The following NT5M variants were observed in gnomAD, a reference collection of about 807,000 sequenced individuals.
The protein encoded by NT5M is 5'(3')-deoxyribonucleotidase, mitochondrial.
Under a neutral mutation model 22.2 loss-of-function variants are expected in NT5M, and 22 were observed. The observed-to-expected ratio is 0.99, with a 90% CI of 0.71 to 1.41. NT5M has a LOEUF of 1.41. Ranked by LOEUF, NT5M falls within the 40% of genes most tolerant of loss-of-function variation. The pLI is 0.00. For synonymous variants in NT5M, 167 were observed against 133.0 expected, an observed-to-expected ratio of 1.26 and a Z score of -1.76; for missense variants, 322 against 314.8, an observed-to-expected ratio of 1.02 and a Z score of -0.17.
intron 1 of NT5M, among the ~76,000 whole-genome samples, chr17:17,304,675 A>G (rs1442363384): frequency 6.6e-6 from 1 of 152,002 alleles, no homozygotes; most frequent in Non-Finnish European, 1.5e-5. Context: ...TGTTGGGTAG[A>G]TATTATTATC....
chr17:17,317,006 G>A (rs1384920254), intron 2 of NT5M, among the ~76,000 whole-genome samples: 3 of 133,816 alleles, frequency 2.2e-5, no homozygotes, highest in South Asian at 2.4e-4. Context: ...GAGCCACCGT[G>A]CCTGGCCATA....
chr17:17,321,520 T>C (rs2049151017), intron 2 of NT5M, among the ~76,000 whole-genome samples: 1 of 150,994 alleles, frequency 6.6e-6, no homozygotes, highest in Non-Finnish European at 1.5e-5. Context: ...CACAAGAAGG[T>C]TGAGGAAATG....
chr17:17,338,677 G>GTTTTTTTTTTTTTT (rs59650601), intron 3 of NT5M, among the ~76,000 whole-genome samples: 3 of 73,220 alleles, frequency 4.1e-5, no homozygotes, highest in Non-Finnish European at 5.0e-5. Flanking sequence ...AATGTTAAGG[G>GTTTTTTTTTTTTTT]TTTTTTTTTT....
In NT5M at chr17:17,325,049, A is replaced by G. The variant is rs1409412823; in HGVS notation, c.429+1804A>G. Among the ~76,000 whole-genome samples, 10 of 150,978 alleles carry G rather than the reference A, an allele frequency of 6.6e-5. No individual in the cohort carries two copies. In the East Asian group the frequency reaches 1.6e-3, roughly 23 times the overall value. On this transcript the variant is annotated intron_variant, in intron 3 of 4. Coordinates refer to ENST00000389022, the MANE Select transcript of NT5M (RefSeq NM_020201.4). ...TTAGGAGTGGACATTTTTCAGCCCC[A>G]CCCTACACCTTCTGAATCAGACACT...
rs1306270200 is a variant in NT5M, at chr17:17,304,794, C to T, written c.267+977C>T. ...TCCCAAGCACAGTTAGTGCTCCCCACTCCACAGTCCTGTTCTCTGTACTAC... is the reference window on the plus strand; with the variant it reads ...TCCCAAGCACAGTTAGTGCTCCCCATTCCACAGTCCTGTTCTCTGTACTAC... On this transcript the variant is annotated intron_variant, in intron 1 of 4. Coordinates refer to ENST00000389022, the MANE Select transcript of NT5M (RefSeq NM_020201.4). Among the ~76,000 whole-genome samples, 9 of 152,336 alleles carry T rather than the reference C, an allele frequency of 5.9e-5. No individual in the cohort carries two copies. The East Asian group carries it at 1.5e-3, about 26-fold the overall frequency.
intron 2 of NT5M, among the ~76,000 whole-genome samples, chr17:17,316,132 A>C (rs1427005889): frequency 1.4e-5 from 2 of 147,390 alleles, no homozygotes; most frequent in East Asian, 4.0e-4. Context: ...TTGGCTCCCT[A>C]CTACAACCTG....
chr17:17,318,785 C>CAA (rs61422345), intron 2 of NT5M, among the ~76,000 whole-genome samples: 796 of 39,784 alleles, frequency 0.02, 11 homozygotes, highest in Middle Eastern at 0.056. Flanking sequence ...AACTCCGTCT[C>CAA]AAAAAAAAAA....
chr17:17,311,384 A>G (rs2048919545), intron 2 of NT5M, among the ~76,000 whole-genome samples: 1 of 151,520 alleles, frequency 6.6e-6, no homozygotes. Flanking sequence ...ATTTAGGCCT[A>G]TGATCCATTT....
At chr17:17,315,996 C>T (rs954817136) in intron 2 of NT5M, among the ~76,000 whole-genome samples, 2 of 151,390 alleles carry the variant, frequency 1.3e-5, no homozygotes, top group African/African-American at 4.9e-5. Flanking sequence ...ACCTTGTGAT[C>T]AGCCCGCCTT....
At chr17:17,318,695 G>A (rs2049086551) in intron 2 of NT5M, among the ~76,000 whole-genome samples, 2 of 137,946 alleles carry the variant, frequency 1.4e-5, no homozygotes, top group Admixed American at 1.7e-4. Context: ...TGAGGCAGGA[G>A]AATCCCTTGA....
At chr17:17,317,926 G>C (rs9889834) in intron 2 of NT5M, among the ~76,000 whole-genome samples, 89,005 of 143,358 alleles carry the variant, frequency 0.62, 28,702 homozygotes, top group East Asian at 0.79. Flanking sequence ...CATGCCACTG[G>C]ACTCCAGCCT....
chr17:17,323,178 T>C lies in NT5M; in HGVS notation c.369-7T>C, dbSNP rs369721987. ...TGCAGGCTCAACCTCCTTTCTCTTG[T>C]TGACAGCACTGACGTCTTCATCTGC... is the stretch of plus-strand genomic sequence containing the variant. On this transcript the variant is annotated splice_polypyrimidine_tract_variant and splice_region_variant and intron_variant, in intron 2 of 4. Transcript: ENST00000389022. The C allele has an allele frequency of 1.8e-5, 29 of 1,613,882 alleles. No homozygotes were observed. The East Asian group carries it at 4.9e-4, about 27-fold the overall frequency.
At chr17:17,338,330 CT>C (rs2049561827) in intron 3 of NT5M, among the ~76,000 whole-genome samples, 1 of 151,956 alleles carries the variant, frequency 6.6e-6, no homozygotes, top group African/African-American at 2.4e-5. Context: ...GTAGCTGGGA[CT>C]ACAGGCATGT....
At chr17:17,342,990 C>T (rs898304799) in intron 3 of NT5M, among the ~76,000 whole-genome samples, 6 of 152,204 alleles carry the variant, frequency 3.9e-5, no homozygotes, top group South Asian at 2.1e-4. Context: ...GGCTTAGATA[C>T]GATGACGGAC....
chr17:17,344,061 C>T (rs137955226), intron 3 of NT5M, among the ~76,000 whole-genome samples: 1 of 152,288 alleles, frequency 6.6e-6, no homozygotes, highest in African/African-American at 2.4e-5. Context: ...GCCGAGAGCC[C>T]ACCAGTGGCG....
chr17:17,315,709 G>A (rs2049008243), intron 2 of NT5M, among the ~76,000 whole-genome samples: 2 of 146,258 alleles, frequency 1.4e-5, no homozygotes, highest in African/African-American at 5.0e-5. Context: ...GGTGGAGGGT[G>A]AAGTTGAAGA....
At chr17:17,344,265 G>A (rs2049709902) in intron 3 of NT5M, among the ~76,000 whole-genome samples, 1 of 152,202 alleles carries the variant, frequency 6.6e-6, no homozygotes, top group Non-Finnish European at 1.5e-5. Context: ...GGCAGCCTGT[G>A]GCTTCTTTGT....
intron 3 of NT5M, among the ~76,000 whole-genome samples, chr17:17,324,964 G>C (rs1307645317): frequency 6.6e-6 from 1 of 152,178 alleles, no homozygotes; most frequent in Non-Finnish European, 1.5e-5. Context: ...CACTGTTTCA[G>C]GTCGAGCAGT....
intron 3 of NT5M, among the ~76,000 whole-genome samples, chr17:17,337,888 G>A (rs2142367958): frequency 6.6e-6 from 1 of 152,242 alleles, no homozygotes; most frequent in African/African-American, 2.4e-5. Context: ...CCTTTGCTGT[G>A]CAGAAGCTTT....
Sources: allele counts gnomAD v4.1 joint callset (sites outside exome capture counted in the v4.1 genomes callset), GRCh38; gene constraint gnomAD v4.1.1; transcripts MANE v1.5; gene names NCBI Gene and HGNC (gene_info 2026-07-23, HGNC 2026-07-21).